Variants in LRAT observed in about 807,000 individuals in gnomAD.
LRAT encodes lecithin retinol acyltransferase.
A neutral mutation model predicts 14.2 loss-of-function variants in LRAT; 11 were observed. That is an observed-to-expected ratio of 0.78 (90% CI 0.49 to 1.29). The LOEUF (loss-of-function observed/expected upper bound fraction) is 1.29. LRAT is among the 50% of genes most tolerant of loss of function. The pLI, the probability that LRAT is intolerant of heterozygous loss-of-function variation, is 0.00. For synonymous variants in LRAT, 144 were observed against 124.8 expected (o/e 1.15, Z -1.03); for missense variants, 274 against 292.4 (o/e 0.94, Z 0.46).
In LRAT at chr4:154,749,651, T is replaced by A. The variant is rs1437386420; in HGVS notation, c.*515T>A. 3.8e-5 allele frequency: 6 copies of A among 156,642 alleles called. No homozygotes were observed. Among genetic ancestry groups the A allele is most frequent in the Admixed American group, 1.2e-4 (2 of 16,088 alleles). 9.7% of individuals were successfully genotyped at this position (156,642 alleles called of 1,614,324 possible). A position where few individuals can be genotyped will look rare whatever the true frequency, so the allele number is the denominator to read the frequency against. On this transcript the variant is annotated 3_prime_UTR_variant, in exon 3 of 3. Coordinates refer to ENST00000336356, the MANE Select transcript of LRAT (RefSeq NM_004744.5). ...AAGCTCATAATCTATTTTTTTCATG[T>A]AGTATATAAGTCAAGAATGTTTTAT...
chr4:154,751,733 C>CCAA lies in LRAT; in HGVS notation c.*2597_*2598insCAA, dbSNP rs1732997586. 1 of 23,842 alleles carries CCAA rather than the reference C, an allele frequency of 4.2e-5. No individual in the cohort carries two copies. Among genetic ancestry groups the CCAA allele is most frequent in the Non-Finnish European group, 7.9e-5 (1 of 12,628 alleles). 1.5% of individuals were successfully genotyped at this position (23,842 alleles called of 1,614,324 possible). On this transcript the variant is annotated 3_prime_UTR_variant, in exon 3 of 3. Coordinates refer to ENST00000336356, the MANE Select transcript of LRAT (RefSeq NM_004744.5). ...TGGGCAACAAAGTGAGACTCCATCTCAAAAAAAAAAAAAAAAAAAAAAAAA... is the reference window on the plus strand; with the variant it reads ...TGGGCAACAAAGTGAGACTCCATCTCCAAAAAAAAAAAAAAAAAAAAAAAAAAA...
rs886059162 is a variant in LRAT at position 154,749,430 on chromosome 4, GATTA to G, written c.*298_*301del. ...AGCCCCTAAAATGATAGCCACAAGA[GATTA>G]ATTGTGTTTTTTTTTCTCCTGTAAT... On this transcript the variant is annotated 3_prime_UTR_variant, in exon 3 of 3. Coordinates refer to ENST00000336356, the MANE Select transcript of LRAT (RefSeq NM_004744.5). 5.3e-6 allele frequency: 2 copies of G among 380,070 alleles called. No homozygotes were observed. The highest frequency in any genetic ancestry group is 9.8e-6 in the Non-Finnish European group (2 of 204,202). The allele number at this position is 380,070 out of a possible 1,614,324, so 23.5% of individuals were successfully genotyped here.
At chr4:154,747,499 A>C (rs1170078656) in intron 2 of LRAT, among the ~76,000 whole-genome samples, 2 of 152,088 alleles carry the variant, frequency 1.3e-5, no homozygotes, top group East Asian at 3.9e-4. Flanking sequence ...CCCTTCTAGA[A>C]ATTTCCTACT....
At chr4:154,746,710 G>GA (rs910744095) in intron 2 of LRAT, among the ~76,000 whole-genome samples, 1 of 152,150 alleles carries the variant, frequency 6.6e-6, no homozygotes, top group Non-Finnish European at 1.5e-5. Context: ...TATTTCTACA[G>GA]AAAAACAGTA....
At chr4:154,743,173 A>AT (rs1732802616), upstream of LRAT, among the ~76,000 whole-genome samples, 1 of 132,556 alleles carries the variant, frequency 7.5e-6, no homozygotes, top group Non-Finnish European at 1.6e-5. Flanking sequence ...GGCTGAAAGC[A>AT]TGGAGGATTC....
At chr4:154,741,943 G>T (rs999703412), upstream of LRAT, among the ~76,000 whole-genome samples, 1 of 152,152 alleles carries the variant, frequency 6.6e-6, no homozygotes, top group Non-Finnish European at 1.5e-5. Flanking sequence ...GACGGAAACC[G>T]TTAATTATCA....
At chr4:154,748,863 GA>G in intron 2 of LRAT, 120 bp from the exon 3 acceptor site, 1 of 941,820 alleles carries the variant, frequency 1.1e-6, no homozygotes, top group Non-Finnish European at 1.7e-6. Context: ...TAAGTCATAA[GA>G]AAAAGTCTAG....
chr4:154,743,788 C>T (rs777804662), upstream of LRAT, among the ~76,000 whole-genome samples: 14 of 152,182 alleles, frequency 9.2e-5, no homozygotes, highest in Non-Finnish European at 2.1e-4. Context: ...AGTAGTGCAA[C>T]CGGGATCCCG....
At chr4:154,742,531 C>G (rs2111029239), upstream of LRAT, among the ~76,000 whole-genome samples, 1 of 152,316 alleles carries the variant, frequency 6.6e-6, no homozygotes, top group East Asian at 1.9e-4. Context: ...GCAGAGTACC[C>G]TCAGGCGTGC....
At chr4:154,742,780 G>A (rs958502623), upstream of LRAT, among the ~76,000 whole-genome samples, 2 of 152,144 alleles carry the variant, frequency 1.3e-5, no homozygotes, top group African/African-American at 4.8e-5. Context: ...CGGGCTGCAG[G>A]CGCACGGGCA....
intron 2 of LRAT, chr4:154,748,119 A>G: frequency 1.3e-5 from 7 of 542,802 alleles, no homozygotes; most frequent in Non-Finnish European, 1.6e-5. Flanking sequence ...ATCAACGGCA[A>G]TATGGTAGAG....
rs551893360 is a variant in LRAT, at chr4:154,749,393, T to C, written c.*257T>C. On this transcript the variant is annotated 3_prime_UTR_variant, in exon 3 of 3. Transcript: ENST00000336356. ...GACAGGGTGTGGTAGAATTCAGCAATATGAGAAAACCAGCCCCTAAAATGA... is the reference window on the plus strand; with the variant it reads ...GACAGGGTGTGGTAGAATTCAGCAACATGAGAAAACCAGCCCCTAAAATGA... The C allele has an allele frequency of 3.0e-5, 14 of 463,758 alleles. No individual in the cohort carries two copies. In the Admixed American group the frequency reaches 4.9e-4, roughly 16 times the overall value. 28.7% of individuals were successfully genotyped at this position (463,758 alleles called of 1,614,324 possible).
chr4:154,741,500 T>C (rs185637469), upstream of LRAT, among the ~76,000 whole-genome samples: 42 of 152,268 alleles, frequency 2.8e-4, no homozygotes, highest in Admixed American at 7.8e-4. Context: ...GGCAAAAATA[T>C]CCTTCAAGAA....
At position 154,753,008 on chromosome 4, in the gene LRAT, C is replaced by T. The variant is rs1043590998; in HGVS notation, c.*3872C>T. 2 of 152,030 alleles carry T rather than the reference C, an allele frequency of 1.3e-5. No individual in the cohort carries two copies. Among genetic ancestry groups the T allele is most frequent in the African/African-American group, 4.8e-5 (2 of 41,378 alleles). 9.4% of individuals were successfully genotyped at this position (152,030 alleles called of 1,614,324 possible). On this transcript the variant is annotated 3_prime_UTR_variant, in exon 3 of 3. Coordinates refer to ENST00000336356, the MANE Select transcript of LRAT (RefSeq NM_004744.5). ...TGAGAAGCATATAAGAAATGGTTGC[C>T]AATCTTTGTTTTGTATGATCTATTT...
In LRAT at chr4:154,744,561, T is replaced by C. The variant is rs112943981; in HGVS notation, c.235T>C (p.Leu79=). The part of the protein sequence containing the change: ...RVAHMMPDIL[L]ALTDDMGRTQ... ...TGCCCACATGATGCCCGACATCCTG[T>C]TGGCCCTGACAGACGACATGGGGCG... is the stretch of plus-strand genomic sequence containing the variant. Residue 79 remains leucine, a synonymous_variant, in exon 2 of 3, where the codon TTG becomes CTG. Coordinates refer to ENST00000336356, the MANE Select transcript of LRAT (RefSeq NM_004744.5). 1 of 1,614,144 alleles carries C rather than the reference T, an allele frequency of 6.2e-7. No individual in the cohort carries two copies. The highest frequency in any genetic ancestry group is 8.5e-7 in the Non-Finnish European group (1 of 1,180,020).
At chr4:154,743,020 T>G (rs956890461), upstream of LRAT, among the ~76,000 whole-genome samples, 7 of 151,166 alleles carry the variant, frequency 4.6e-5, no homozygotes, top group Admixed American at 1.3e-4. Flanking sequence ...TGCCAACCGT[T>G]GGAAGCTTCG....
chr4:154,746,157 T>C (rs1305173857), intron 2 of LRAT, among the ~76,000 whole-genome samples: 1 of 152,216 alleles, frequency 6.6e-6, no homozygotes, highest in Non-Finnish European at 1.5e-5. Flanking sequence ...TTCATTGCAC[T>C]TGTTAAAGAA....
chr4:154,742,520 C>T (rs1404748517), upstream of LRAT, among the ~76,000 whole-genome samples: 1 of 152,190 alleles, frequency 6.6e-6, no homozygotes, highest in African/African-American at 2.4e-5. Context: ...ATCCATCATC[C>T]GCAGAGTACC....
At position 154,751,682 on chromosome 4, in the gene LRAT, G is replaced by C. The variant is rs546010418; in HGVS notation, c.*2546G>C. 7.7e-5 allele frequency: 10 copies of C among 129,580 alleles called. No homozygotes were observed. Among genetic ancestry groups the C allele is most frequent in the Non-Finnish European group, 1.2e-4 (8 of 64,404 alleles). 8.0% of individuals were successfully genotyped at this position (129,580 alleles called of 1,614,324 possible). On this transcript the variant is annotated 3_prime_UTR_variant, in exon 3 of 3. Transcript: ENST00000336356. The stretch of plus-strand genomic sequence containing the variant: ...CGAGGAGGCGGAGCTTGCAGTGAGT[G>C]GAAATTGCGCCACTGCACTCCAGCC...
Sources: gnomAD v4.1 joint callset for allele counts (sites outside exome capture counted in the v4.1 genomes callset) on GRCh38, gnomAD v4.1.1 for gene constraint, MANE v1.5 for transcripts, NCBI Gene and HGNC (gene_info 2026-07-23, HGNC 2026-07-21) for gene names.